Variants in RGS9 observed in about 807,000 individuals in gnomAD.
RGS9 encodes regulator of G protein signaling 9.
A neutral mutation model predicts 102.0 loss-of-function variants in RGS9; 78 were observed. That is an observed-to-expected ratio of 0.76 (90% CI 0.64 to 0.92). The LOEUF is 0.92. Ranked by LOEUF, RGS9 falls within the 40% of genes least tolerant of loss-of-function variation. The pLI, the probability that RGS9 is intolerant of heterozygous loss-of-function variation, is 0.00. For missense variants in RGS9, 833 were observed against 866.1 expected (o/e 0.96, Z 0.48); for synonymous variants, 353 against 318.6 (o/e 1.11, Z -1.15).
intron 2 of RGS9, among the ~76,000 whole-genome samples, chr17:65,153,773 C>T (rs1315203081): frequency 6.6e-6 from 1 of 152,028 alleles, no homozygotes; most frequent in Non-Finnish European, 1.5e-5. Flanking sequence ...GCCTATAGTC[C>T]CAGCTACTCG....
At chr17:65,166,576 A>G (rs12600387) in intron 7 of RGS9, among the ~76,000 whole-genome samples, 18,464 of 152,240 alleles carry the variant, frequency 0.12, 2,228 homozygotes, top group East Asian at 0.51. Flanking sequence ...GCTGTTGCTG[A>G]AAAAATCACA....
In RGS9 at chr17:65,178,083, T is replaced by A. The variant is rs571489178; in HGVS notation, c.654+280T>A. Among the ~76,000 whole-genome samples, 5 of 152,188 alleles carry A rather than the reference T, an allele frequency of 3.3e-5. No homozygotes were observed. The South Asian group carries it at 1.0e-3, about 32-fold the overall frequency. On this transcript the variant is annotated intron_variant, in intron 9 of 18. Transcript: ENST00000262406. ...TGGCTGGTTTTCAAACTTTTCTGAG[T>A]CACTTCCCCCTTCGAAAATCTGATG...
At chr17:65,166,085 AG>A (rs1310468646) in intron 7 of RGS9, among the ~76,000 whole-genome samples, 1 of 152,184 alleles carries the variant, frequency 6.6e-6, no homozygotes, top group African/African-American at 2.4e-5. Context: ...GCTACCTCAC[AG>A]CATGGCGGCA....
chr17:65,193,478 C>T, intron 11 of RGS9, 65 bp from the exon 12 acceptor site: 3 of 960,492 alleles, frequency 3.1e-6, no homozygotes, highest in Non-Finnish European at 5.1e-6. Context: ...GTCAGTTGAC[C>T]TGTGTATTGA....
chr17:65,224,959 C>T (rs1905565184), intron 17 of RGS9, 43 bp from the exon 18 acceptor site: 1 of 1,610,608 alleles, frequency 6.2e-7, no homozygotes, highest in Non-Finnish European at 8.5e-7. Flanking sequence ...CTGGCTGGGG[C>T]CATGCAACTC....
intron 17 of RGS9, among the ~76,000 whole-genome samples, chr17:65,210,815 C>G (rs1249951500): frequency 2.6e-5 from 4 of 152,100 alleles, no homozygotes; most frequent in African/African-American, 9.7e-5. Flanking sequence ...TTCCTAATAC[C>G]ACAGCAACCA....
chr17:65,143,326 C>T (rs1910228826), intron 1 of RGS9, among the ~76,000 whole-genome samples: 1 of 152,110 alleles, frequency 6.6e-6, no homozygotes, highest in Non-Finnish European at 1.5e-5. Flanking sequence ...ACCCCGGAGG[C>T]TGGAGACAGA....
chr17:65,165,533 C>G (rs1911143266), intron 7 of RGS9, among the ~76,000 whole-genome samples: 1 of 152,192 alleles, frequency 6.6e-6, no homozygotes, highest in African/African-American at 2.4e-5. Context: ...ACCCAGACAG[C>G]TACTCAAGAT....
intron 1 of RGS9, among the ~76,000 whole-genome samples, chr17:65,139,554 C>T (rs1910077247): frequency 2.0e-5 from 3 of 152,146 alleles, no homozygotes; most frequent in African/African-American, 7.2e-5. Flanking sequence ...TTTTTAGGAA[C>T]CCGGTGCCCT....
At chr17:65,206,875 C>T (rs1163527978) in intron 15 of RGS9, among the ~76,000 whole-genome samples, 1 of 152,170 alleles carries the variant, frequency 6.6e-6, no homozygotes, top group Non-Finnish European at 1.5e-5. Context: ...ATCCCAGTGG[C>T]TCCATGGTCC....
intron 8 of RGS9, among the ~76,000 whole-genome samples, chr17:65,172,295 T>C (rs1911450111): frequency 6.6e-6 from 1 of 152,138 alleles, no homozygotes; most frequent in South Asian, 2.1e-4. Context: ...CCTCTGCCTC[T>C]TGGGTTCAAG....
At chr17:65,145,555 T>TTA (rs1190349901) in intron 1 of RGS9, among the ~76,000 whole-genome samples, 2 of 124,098 alleles carry the variant, frequency 1.6e-5, no homozygotes, top group African/African-American at 8.2e-5. Flanking sequence ...TGGCTATTTT[T>TTA]TTTTTTTTTA....
At chr17:65,215,196 G>T (rs78697730) in intron 17 of RGS9, among the ~76,000 whole-genome samples, 1 of 152,110 alleles carries the variant, frequency 6.6e-6, no homozygotes, top group African/African-American at 2.4e-5. Flanking sequence ...TGGATTAGGA[G>T]GGTGGTGGTG....
intron 1 of RGS9, among the ~76,000 whole-genome samples, chr17:65,151,187 A>T (rs868765949): frequency 2.4e-4 from 36 of 152,158 alleles, no homozygotes; most frequent in Non-Finnish European, 4.4e-5. Context: ...TCTACTAAAA[A>T]TACAAAAATT....
intron 10 of RGS9, among the ~76,000 whole-genome samples, chr17:65,189,897 T>C (rs2144063441): frequency 6.6e-6 from 1 of 152,334 alleles, no homozygotes; most frequent in East Asian, 1.9e-4. Context: ...GCCAAGCGTT[T>C]GTCCCCGTGT....
chr17:65,166,730 C>T (rs1311201091), intron 7 of RGS9, among the ~76,000 whole-genome samples: 1 of 152,222 alleles, frequency 6.6e-6, no homozygotes, highest in Non-Finnish European at 1.5e-5. Flanking sequence ...ATTTACCAGG[C>T]TCTCCAGCAT....
At position 65,160,317 on chromosome 17, in the gene RGS9, A is replaced by T. The variant is rs1192174964; in HGVS notation, c.290A>T (p.Asp97Val). The T allele has an allele frequency of 1.2e-6, 2 of 1,613,976 alleles. No individual in the cohort carries two copies. The highest frequency in any genetic ancestry group is 1.7e-6 in the Non-Finnish European group (2 of 1,179,818). Residue 97 changes from aspartate (D) to valine (V), a missense_variant, in exon 4 of 19, where the codon GAT becomes GTT. Asp to Val is a radical substitution (Grantham distance 152). Around this residue, in one of 3 missense-constraint regions of RGS9, gnomAD observed 328 missense variants for 340.6 expected, o/e 0.96. Coordinates refer to ENST00000262406, the MANE Select transcript of RGS9 (RefSeq NM_003835.4). ...QDPKNLILKPDGSLYRFQTPY... is the reference protein window; with the variant it reads ...QDPKNLILKPVGSLYRFQTPY... ...CCCAAGAATCTCATTCTCAAGCCTG[A>T]TGGCAGCCTCTACAGATTTCAGGTG...
At chr17:65,150,894 C>T (rs1910553236) in intron 1 of RGS9, among the ~76,000 whole-genome samples, 1 of 152,158 alleles carries the variant, frequency 6.6e-6, no homozygotes, top group South Asian at 2.1e-4. Context: ...GACAGCTTTC[C>T]CGTTAGTGAG....
chr17:65,216,833 G>A (rs936351551), intron 17 of RGS9, among the ~76,000 whole-genome samples: 1 of 152,140 alleles, frequency 6.6e-6, no homozygotes, highest in Non-Finnish European at 1.5e-5. Context: ...GGGACAGGCA[G>A]TAGATAATAA....
Sources: gnomAD v4.1 joint callset for allele counts (sites outside exome capture counted in the v4.1 genomes callset) on GRCh38, gnomAD v4.1.1 for gene constraint, gnomAD v4.1.1 regional missense constraint, MANE v1.5 for transcripts, NCBI Gene and HGNC (gene_info 2026-07-23, HGNC 2026-07-21) for gene names.